The following PXDC1 variants were observed in gnomAD, a reference collection of about 807,000 sequenced individuals.
PXDC1 encodes the protein PX domain-containing protein 1.
PXDC1 carries 13 observed loss-of-function variants against 24.4 expected under a neutral mutation model. The ratio of observed to expected loss-of-function variants is 0.53; its 90% CI spans 0.35 to 0.85. The LOEUF (loss-of-function observed/expected upper bound fraction) is 0.85, where lower values mean the gene tolerates loss of function less well. Among genes scored for constraint, PXDC1 ranks in the 40% least tolerant of loss-of-function variants. The pLI, the probability that PXDC1 is intolerant of heterozygous loss-of-function variation, is 0.01. For synonymous variants in PXDC1, 162 were observed against 124.9 expected (o/e 1.30, Z -1.98); for missense variants, 344 against 309.3 (o/e 1.11, Z -0.84).
chr6:3,751,292 C>T lies in PXDC1; in HGVS notation c.240G>A (p.Gln80=). ...GCCCCGCACCTTGCCGCAGCGGCCC[C>T]TGCGCCAGTTCGGACCGGTCCTCGG... ...AFPEDRSELA[Q]GPLRQGLVAI... The change falls in exon 1 of 5, where the codon CAG becomes CAA. Residue 80 remains glutamine, a synonymous_variant. Transcript: ENST00000380283. 6.5e-7 allele frequency: 1 copy of T among 1,528,960 alleles called. No homozygotes were observed. Among genetic ancestry groups the T allele is most frequent in the Non-Finnish European group, 8.8e-7 (1 of 1,142,378 alleles). 94.7% of individuals were successfully genotyped at this position (1,528,960 alleles called of 1,614,324 possible). A position where few individuals can be genotyped will look rare whatever the true frequency, so the allele number is the denominator to read the frequency against.
intron 1 of PXDC1, chr6:3,738,860 T>G: frequency 7.7e-7 from 1 of 1,303,272 alleles, no homozygotes. Context: ...AGAGCAGAAG[T>G]CTTCCCATCA....
intron 1 of PXDC1, among the ~76,000 whole-genome samples, chr6:3,747,749 CTAATG>C (rs1401562477): frequency 3.9e-5 from 6 of 152,300 alleles, no homozygotes; most frequent in African/African-American, 1.4e-4. Flanking sequence ...GTATCACTAT[CTAATG>C]TATTTGTTAC....
intron 1 of PXDC1, among the ~76,000 whole-genome samples, chr6:3,748,976 A>G (rs868073142): frequency 1.4e-4 from 22 of 152,324 alleles, no homozygotes; most frequent in Middle Eastern, 3.4e-3. Context: ...GCATGGAAAT[A>G]AGGTGCAATC....
In PXDC1 at chr6:3,737,243, T is replaced by G. The variant is rs1480879333; in HGVS notation, c.349-47A>C. 1 of 1,369,818 alleles carries G rather than the reference T, an allele frequency of 7.3e-7. No homozygotes were observed. Among genetic ancestry groups the G allele is most frequent in the Non-Finnish European group, 1.0e-6 (1 of 958,986 alleles). The allele number at this position is 1,369,818 out of a possible 1,614,324, so 84.9% of individuals were successfully genotyped here. ...ACTAAAAACGATCAGCCTCTACACGTTGGCCCTGTCTGTCTACCAAGAGAG... is the reference window on the plus strand; with the variant it reads ...ACTAAAAACGATCAGCCTCTACACGGTGGCCCTGTCTGTCTACCAAGAGAG... On this transcript the variant is annotated intron_variant, in intron 2 of 4. Coordinates refer to ENST00000380283, the MANE Select transcript of PXDC1 (RefSeq NM_183373.4). The surrounding 1 kb of genome is among the most constrained non-coding windows in gnomAD (Gnocchi z 5.5).
chr6:3,734,284 T>C (rs977291700), intron 3 of PXDC1, among the ~76,000 whole-genome samples: 6 of 152,172 alleles, frequency 3.9e-5, no homozygotes, highest in African/African-American at 1.2e-4. Context: ...CAGGAGCTTC[T>C]CCATCAGAGG....
rs1348781473 is a variant in PXDC1 at position 3,751,569 on chromosome 6, G to C, written c.-38C>G. On this transcript the variant is annotated 5_prime_UTR_variant, in exon 1 of 5. Coordinates refer to ENST00000380283, the MANE Select transcript of PXDC1 (RefSeq NM_183373.4). ...CCCCCGCCAAGGGCTCCCCAGCCCCGCCGCCCGCCCGCCCGCAGGAGGCGC... is the reference window on the plus strand; with the variant it reads ...CCCCCGCCAAGGGCTCCCCAGCCCCCCCGCCCGCCCGCCCGCAGGAGGCGC... 1 of 1,473,808 alleles carries C rather than the reference G, an allele frequency of 6.8e-7. No individual in the cohort carries two copies. The highest frequency in any genetic ancestry group is 2.4e-5 in the Admixed American group (1 of 40,908). 91.3% of individuals were successfully genotyped at this position (1,473,808 alleles called of 1,614,324 possible).
intron 1 of PXDC1, among the ~76,000 whole-genome samples, chr6:3,741,638 G>A (rs1760450125): frequency 6.6e-6 from 1 of 152,212 alleles, no homozygotes; most frequent in South Asian, 2.1e-4. Context: ...TGAACTTACT[G>A]AAACCCACCT....
In PXDC1 at chr6:3,751,682, G is replaced by A. The variant is rs1173726345; in HGVS notation, c.-151C>T. ...TCCAAGGAGGCTGCGTATGGCCCGC[G>A]TTCGGGGCAGCGGGGCGGCGCGGCG... On this transcript the variant is annotated 5_prime_UTR_variant, in exon 1 of 5. In the 5' UTR this introduces an upstream ATG that the reference lacks. Transcript: ENST00000380283. 8.5e-7 allele frequency: 1 copy of A among 1,176,822 alleles called. No homozygotes were observed. The highest frequency in any genetic ancestry group is 1.1e-6 in the Non-Finnish European group (1 of 935,786). The allele number at this position is 1,176,822 out of a possible 1,614,324, so 72.9% of individuals were successfully genotyped here.
chr6:3,738,201 C>T (rs974204356), intron 1 of PXDC1, 53 bp from the exon 2 acceptor site: 55 of 1,375,712 alleles, frequency 4.0e-5, no homozygotes, highest in Non-Finnish European at 5.4e-5. Flanking sequence ...AGGAAACGCG[C>T]TCCCAATGCA....
chr6:3,744,988 C>T (rs1481157196), intron 1 of PXDC1, among the ~76,000 whole-genome samples: 2 of 152,248 alleles, frequency 1.3e-5, no homozygotes, highest in African/African-American at 2.4e-5. Flanking sequence ...GCGTGAGCCA[C>T]CGCGGCAGCC....
At position 3,725,971 on chromosome 6, in the gene PXDC1, T is replaced by G. The variant is rs1022973940; in HGVS notation, c.578+1580A>C. On this transcript the variant is annotated intron_variant, in intron 4 of 4. Coordinates refer to ENST00000380283, the MANE Select transcript of PXDC1 (RefSeq NM_183373.4). The surrounding 1 kb of genome is among the most constrained non-coding windows in gnomAD (Gnocchi z 4.8). ...GCCTATTCAAGACCTGTCACTCCTGTGCACATGCAGTCAGTCCCGGGCAGC... is the reference window on the plus strand; with the variant it reads ...GCCTATTCAAGACCTGTCACTCCTGGGCACATGCAGTCAGTCCCGGGCAGC... Among the ~76,000 whole-genome samples the G allele has an allele frequency of 2.4e-4, 29 of 121,120 alleles. No homozygotes were observed. Among genetic ancestry groups the G allele is most frequent in the African/African-American group, 7.3e-4 (29 of 39,932 alleles). The allele number at this position is 121,120 out of a possible 152,430, so 79.5% of individuals were successfully genotyped here. A position where few individuals can be genotyped will look rare whatever the true frequency, so the allele number is the denominator to read the frequency against.
At chr6:3,732,311 T>C (rs1760218171) in intron 3 of PXDC1, among the ~76,000 whole-genome samples, 1 of 152,214 alleles carries the variant, frequency 6.6e-6, no homozygotes, top group Non-Finnish European at 1.5e-5. Flanking sequence ...TCCCATGTAC[T>C]CCAGCAACGG....
chr6:3,733,657 G>T (rs184543535), intron 3 of PXDC1, among the ~76,000 whole-genome samples: 2 of 152,118 alleles, frequency 1.3e-5, no homozygotes, highest in African/African-American at 4.8e-5. Context: ...AGGCCATACC[G>T]CCTGCCGCCT....
chr6:3,734,728 T>A (rs975726298), intron 3 of PXDC1, among the ~76,000 whole-genome samples: 1 of 152,020 alleles, frequency 6.6e-6, no homozygotes, highest in African/African-American at 2.4e-5. Flanking sequence ...CCCAAAGTGA[T>A]CTACAAATTC....
chr6:3,735,999 C>A (rs1226367100), intron 3 of PXDC1, among the ~76,000 whole-genome samples: 3 of 152,184 alleles, frequency 2.0e-5, no homozygotes, highest in South Asian at 2.1e-4. Context: ...TATCTACAAA[C>A]CCATCTTCCA....
chr6:3,749,170 G>A (rs1224926433), intron 1 of PXDC1, among the ~76,000 whole-genome samples: 4 of 151,904 alleles, frequency 2.6e-5, no homozygotes, highest in African/African-American at 9.7e-5. Context: ...TATGGTCCCG[G>A]TTCTGGTCCC....
rs1424960258 is a variant in PXDC1, at chr6:3,725,736, C to T, written c.578+1815G>A. ...CAGCCGGTGCCGTGTAGAAACAGATCGTCCCTGTGAGACACTGGAGCTGGA... is the reference window on the plus strand; with the variant it reads ...CAGCCGGTGCCGTGTAGAAACAGATTGTCCCTGTGAGACACTGGAGCTGGA... On this transcript the variant is annotated intron_variant, in intron 4 of 4. Coordinates refer to ENST00000380283, the MANE Select transcript of PXDC1 (RefSeq NM_183373.4). This position sits in a 1 kb window ranked among gnomAD's most constrained non-coding sequence, Gnocchi z 4.8. 2.6e-5 allele frequency among the ~76,000 whole-genome samples: 4 copies of T among 152,190 alleles called. No homozygotes were observed. The highest frequency in any genetic ancestry group is 3.9e-4 in the East Asian group (2 of 5,188).
chr6:3,744,053 A>C (rs1760509219), intron 1 of PXDC1, among the ~76,000 whole-genome samples: 1 of 152,206 alleles, frequency 6.6e-6, no homozygotes. Context: ...CTGGGAAAGA[A>C]ATGTTTGACT....
chr6:3,751,623 C>A lies in PXDC1; in HGVS notation c.-92G>T, dbSNP rs1435336987. On this transcript the variant is annotated 5_prime_UTR_variant, in exon 1 of 5. Transcript: ENST00000380283. ...CCGGCCGGGGTCGTCCCGGGTCTGT[C>A]CGTGGCCGGGGTCGTCCGGGGTCGG... 4.8e-5 allele frequency: 65 copies of A among 1,359,548 alleles called. No individual in the cohort carries two copies. The South Asian group carries it at 1.1e-3, about 23-fold the overall frequency. 84.2% of individuals were successfully genotyped at this position (1,359,548 alleles called of 1,614,324 possible).
Sources: gnomAD v4.1 joint callset for allele counts (sites outside exome capture counted in the v4.1 genomes callset) on GRCh38, gnomAD v4.1.1 for gene constraint, Gnocchi (gnomAD v3.1) non-coding constraint, MANE v1.5 for transcripts, NCBI Gene and HGNC (gene_info 2026-07-23, HGNC 2026-07-21) for gene names.